Variants in LYRM4 observed in about 807,000 individuals in gnomAD.
LYRM4 encodes the protein LYR motif-containing protein 4.
LYRM4 carries 9 observed loss-of-function variants against 11.7 expected under a neutral mutation model. That is an observed-to-expected ratio of 0.77 (90% confidence interval 0.46 to 1.34). The LOEUF (loss-of-function observed/expected upper bound fraction) is 1.34. Ranked by LOEUF, LYRM4 falls within the 40% of genes most tolerant of loss-of-function variation. LYRM4 has a pLI of 0.00. For synonymous variants in LYRM4, 42 were observed against 40.4 expected (o/e 1.04, Z -0.15); for missense variants, 133 against 112.5 (o/e 1.18, Z -0.82).
chr6:5,046,265 G>C, the LYRM4 span, among the ~76,000 whole-genome samples: 1 of 151,924 alleles, frequency 6.6e-6, no homozygotes, highest in African/African-American at 2.4e-5. Flanking sequence ...TCCTGCCTCA[G>C]CCTCCCGAGT....
the LYRM4 span, among the ~76,000 whole-genome samples, chr6:5,073,356 C>A: frequency 6.6e-6 from 1 of 151,838 alleles, no homozygotes. Flanking sequence ...GGTGACAGAG[C>A]AAGACTGTTA....
chr6:5,119,330 G>A (rs187762471), intron 2 of LYRM4, among the ~76,000 whole-genome samples: 1 of 152,246 alleles, frequency 6.6e-6, no homozygotes, highest in Admixed American at 6.5e-5. Context: ...TCATCAGCAT[G>A]CCCACACGTC....
Position 5,145,512 on chromosome 6 carries a change from G to A in LYRM4, c.208-36021C>T, listed in dbSNP as rs1168096904. Among the ~76,000 whole-genome samples the A allele has an allele frequency of 3.9e-5, 6 of 152,158 alleles. No individual in the cohort carries two copies. In the East Asian group the frequency reaches 5.8e-4, roughly 15 times the overall value. On this transcript the variant is annotated intron_variant, in intron 2 of 2. Coordinates refer to ENST00000330636, the MANE Select transcript of LYRM4 (RefSeq NM_020408.6). ...TCTTCATCACTATGACGGCGAGGGC[G>A]AGGCTGCGGAATTTCTCTGCCACAC... is the stretch of plus-strand genomic sequence containing the variant.
chr6:5,041,352 T>C, the LYRM4 span, among the ~76,000 whole-genome samples: 2 of 152,236 alleles, frequency 1.3e-5, no homozygotes, highest in Non-Finnish European at 1.5e-5. Flanking sequence ...CCAGCTGTCA[T>C]AAATTACATA....
chr6:5,203,523 C>T (rs942084674), intron 2 of LYRM4, among the ~76,000 whole-genome samples: 6 of 152,330 alleles, frequency 3.9e-5, no homozygotes, highest in African/African-American at 1.4e-4. Flanking sequence ...CCTTGCCTAG[C>T]AGTCTGCAAT....
intron 2 of LYRM4, among the ~76,000 whole-genome samples, chr6:5,165,609 C>T (rs1040249494): frequency 6.6e-6 from 1 of 151,396 alleles, no homozygotes; most frequent in Non-Finnish European, 1.5e-5. Context: ...GTGGCGCGAT[C>T]TCGGCTCACT....
chr6:5,200,600 T>C lies in LYRM4; in HGVS notation c.207+16018A>G, dbSNP rs535276236. Among the ~76,000 whole-genome samples the C allele has an allele frequency of 4.6e-5, 7 of 152,194 alleles. No individual in the cohort carries two copies. In the South Asian group the frequency reaches 1.0e-3, roughly 23 times the overall value. Reference sequence around the variant, plus strand: ...AGAGAGATCCAGAGATCAGGGAAAGTCATCACAAAAACCAAAGACAGCTTG... The same window carrying C: ...AGAGAGATCCAGAGATCAGGGAAAGCCATCACAAAAACCAAAGACAGCTTG... On this transcript the variant is annotated intron_variant, in intron 2 of 2. Coordinates refer to ENST00000330636, the MANE Select transcript of LYRM4 (RefSeq NM_020408.6).
intron 2 of LYRM4, among the ~76,000 whole-genome samples, chr6:5,113,801 A>C (rs1036380469): frequency 6.6e-6 from 1 of 151,678 alleles, no homozygotes; most frequent in African/African-American, 2.4e-5. Context: ...TCCTGGGCTT[A>C]AGTGATCCTC....
chr6:5,097,200 G>C, the LYRM4 span, among the ~76,000 whole-genome samples: 1 of 152,182 alleles, frequency 6.6e-6, no homozygotes. Context: ...CATGGTGAGG[G>C]GGCCGAGCAG....
chr6:5,242,265 G>T (rs142308517), intron 1 of LYRM4, among the ~76,000 whole-genome samples: 1 of 151,624 alleles, frequency 6.6e-6, no homozygotes, highest in East Asian at 2.0e-4. Context: ...GTAAAGATGG[G>T]GTTTCACTAT....
chr6:5,107,752 G>C (rs965026599), downstream of LYRM4: 1 of 152,206 alleles, frequency 6.6e-6, no homozygotes, highest in African/African-American at 2.4e-5. Context: ...AATTGGCAGG[G>C]GGTGGTGGTT....
At chr6:5,091,555 G>C in the LYRM4 span, among the ~76,000 whole-genome samples, 1 of 152,188 alleles carries the variant, frequency 6.6e-6, no homozygotes, top group South Asian at 2.1e-4. Flanking sequence ...TTTGCTTTTT[G>C]TGAAGTTTAG....
At chr6:5,181,810 C>T (rs943722655) in intron 2 of LYRM4, among the ~76,000 whole-genome samples, 1 of 152,212 alleles carries the variant, frequency 6.6e-6, no homozygotes, top group Non-Finnish European at 1.5e-5. Context: ...TCACCTCTTA[C>T]CAGATGACTT....
chr6:5,190,883 G>A (rs748253208), intron 2 of LYRM4, among the ~76,000 whole-genome samples: 15 of 152,134 alleles, frequency 9.9e-5, no homozygotes, highest in Non-Finnish European at 8.8e-5. Context: ...TTCCAGATAT[G>A]TTATGCAAAA....
chr6:5,219,521 C>G (rs1762460917), intron 1 of LYRM4, among the ~76,000 whole-genome samples: 1 of 152,210 alleles, frequency 6.6e-6, no homozygotes, highest in Admixed American at 6.5e-5. Flanking sequence ...AAATATTTCA[C>G]TGGCTCAGAA....
At chr6:5,235,893 G>A (rs549123432) in intron 1 of LYRM4, among the ~76,000 whole-genome samples, 1 of 152,310 alleles carries the variant, frequency 6.6e-6, no homozygotes, top group South Asian at 2.1e-4. Context: ...ATTCTCACTG[G>A]TTTTGAGATT....
intron 2 of LYRM4, among the ~76,000 whole-genome samples, chr6:5,189,437 C>T (rs143083441): frequency 6.6e-6 from 1 of 152,190 alleles, no homozygotes; most frequent in East Asian, 1.9e-4. Flanking sequence ...AGTGGTGAGC[C>T]TAAGGTTAGT....
chr6:5,098,914 C>T (rs1294124210), downstream of LYRM4, among the ~76,000 whole-genome samples: 1 of 152,134 alleles, frequency 6.6e-6, no homozygotes, highest in African/African-American at 2.4e-5. Flanking sequence ...TGGAGGAACA[C>T]CTATTCTTCA....
intron 2 of LYRM4, among the ~76,000 whole-genome samples, chr6:5,208,503 C>G (rs539879751): frequency 7.2e-5 from 11 of 152,316 alleles, no homozygotes; most frequent in Admixed American, 7.2e-4. Flanking sequence ...TTACTGCTGC[C>G]TTTTATGGGA....
Sources: allele counts gnomAD v4.1 joint callset (sites outside exome capture counted in the v4.1 genomes callset), GRCh38; gene constraint gnomAD v4.1.1; transcripts MANE v1.5; gene names NCBI Gene and HGNC (gene_info 2026-07-23, HGNC 2026-07-21).